NFILZ: variants seen among roughly 807,000 people sequenced by gnomAD.
NFILZ encodes NFIL3 like basic leucine zipper.
At chr19:8,645,492 C>T (rs1327469612) in intron 3 of NFILZ, among the ~76,000 whole-genome samples, 1 of 152,100 alleles carries the variant, frequency 6.6e-6, no homozygotes, top group Non-Finnish European at 1.5e-5. Context: ...GTGATTGGCT[C>T]CAAACCCCAG....
Position 8,647,397 on chromosome 19 carries a change from C to A in NFILZ, c.-164+11651C>A, listed in dbSNP as rs568182179. On this transcript the variant is annotated intron_variant, in intron 3 of 5. Coordinates refer to ENST00000691075, the MANE Select transcript of NFILZ (RefSeq NM_001378600.1). ...GACTAGCCTAGCCAACATGGTGAAA[C>A]CTTGTCTCTACTAAAAATACAAAAA... Among the ~76,000 whole-genome samples the A allele has an allele frequency of 1.1e-4, 16 of 152,220 alleles. No homozygotes were observed. In the East Asian group the frequency reaches 2.3e-3, roughly 22 times the overall value.
intron 3 of NFILZ, among the ~76,000 whole-genome samples, chr19:8,667,794 C>A (rs2043069214): frequency 6.6e-6 from 1 of 152,058 alleles, no homozygotes; most frequent in African/African-American, 2.4e-5. Context: ...GATCCCCCAA[C>A]CTCGGCCTCC....
At chr19:8,667,304 T>A (rs1600153626) in intron 3 of NFILZ, among the ~76,000 whole-genome samples, 1 of 152,208 alleles carries the variant, frequency 6.6e-6, no homozygotes. Context: ...TAGTTCCATC[T>A]CTGCCACTAA....
At chr19:8,640,428 T>C (rs2042914502) in intron 3 of NFILZ, among the ~76,000 whole-genome samples, 1 of 147,134 alleles carries the variant, frequency 6.8e-6, no homozygotes, top group Non-Finnish European at 1.5e-5. Context: ...TAACACAGCA[T>C]AGAGCGTGAT....
At chr19:8,632,726 T>TA (rs1491461469) in intron 2 of NFILZ, 101 bp downstream of exon 2, 1 of 136,930 alleles carries the variant, frequency 7.3e-6, no homozygotes, top group Non-Finnish European at 1.6e-5. Flanking sequence ...CTTTTATTCC[T>TA]TTTTTTTTTT....
intron 3 of NFILZ, among the ~76,000 whole-genome samples, chr19:8,655,744 T>A (rs1045859196): frequency 1.3e-5 from 2 of 152,114 alleles, no homozygotes; most frequent in Admixed American, 6.5e-5. Context: ...TGTCTCCCCA[T>A]CTCTGTCCCC....
intron 3 of NFILZ, among the ~76,000 whole-genome samples, chr19:8,636,231 C>T (rs984028359): frequency 6.6e-6 from 1 of 150,860 alleles, no homozygotes; most frequent in South Asian, 2.1e-4. Context: ...GGGTGAATCA[C>T]GGGGTCAGGA....
chr19:8,663,441 G>A (rs1555749365), intron 3 of NFILZ, among the ~76,000 whole-genome samples: 1 of 145,556 alleles, frequency 6.9e-6, no homozygotes, highest in African/African-American at 2.6e-5. Context: ...GGGAGCTGGT[G>A]GTGGGGAGGG....
intron 3 of NFILZ, among the ~76,000 whole-genome samples, chr19:8,664,145 C>T (rs1193814566): frequency 2.6e-5 from 4 of 152,142 alleles, no homozygotes; most frequent in African/African-American, 4.8e-5. Context: ...CCCTGGTGAG[C>T]CTCCCTTGGA....
At chr19:8,650,838 C>T (rs972529459) in intron 3 of NFILZ, among the ~76,000 whole-genome samples, 5 of 152,046 alleles carry the variant, frequency 3.3e-5, no homozygotes, top group Non-Finnish European at 5.9e-5. Flanking sequence ...TCATAATGTA[C>T]ATGTAAACTT....
rs2043120652 is a variant in NFILZ, at chr19:8,678,043, TCCA to T, written c.*409_*411del. On this transcript the variant is annotated 3_prime_UTR_variant, in exon 6 of 6. Coordinates refer to ENST00000691075, the MANE Select transcript of NFILZ (RefSeq NM_001378600.1). ...CCTTATCCATCTATCCATCCATCCA[TCCA>T]TCCATCCACCCATCTATTCATCCAT... Among the ~76,000 whole-genome samples, 1 of 45,198 alleles carries T rather than the reference TCCA, an allele frequency of 2.2e-5. No homozygotes were observed. Among genetic ancestry groups the T allele is most frequent in the African/African-American group, 8.4e-5 (1 of 11,838 alleles). The allele number at this position is 45,198 out of a possible 152,430, so 29.7% of individuals were successfully genotyped here.
intron 3 of NFILZ, among the ~76,000 whole-genome samples, chr19:8,662,976 C>T (rs1460960151): frequency 6.8e-6 from 1 of 146,800 alleles, no homozygotes; most frequent in African/African-American, 2.5e-5. Flanking sequence ...GAGACAGCGT[C>T]TCACTTTGTT....
At chr19:8,640,927 CAAGCCTGG>C (rs1387595165) in intron 3 of NFILZ, among the ~76,000 whole-genome samples, 103 of 152,148 alleles carry the variant, frequency 6.8e-4, no homozygotes, top group African/African-American at 2.4e-3. Flanking sequence ...GCATATCACT[CAAGCCTGG>C]AAGAAGACCA....
At chr19:8,660,797 CT>C (rs1338113214) in intron 3 of NFILZ, among the ~76,000 whole-genome samples, 4 of 151,836 alleles carry the variant, frequency 2.6e-5, no homozygotes, top group African/African-American at 9.7e-5. Context: ...ACCACCATGC[CT>C]GGTTAATTTT....
At chr19:8,657,973 C>G (rs1272007331) in intron 3 of NFILZ, among the ~76,000 whole-genome samples, 1 of 152,046 alleles carries the variant, frequency 6.6e-6, no homozygotes, top group Non-Finnish European at 1.5e-5. Context: ...GACTGGCGGT[C>G]TTGGGTGGGT....
intron 3 of NFILZ, among the ~76,000 whole-genome samples, chr19:8,671,741 G>A (rs779403790): frequency 6.6e-5 from 10 of 152,116 alleles, no homozygotes; most frequent in Non-Finnish European, 1.2e-4. Flanking sequence ...GGGATGTGCC[G>A]TGGACCTCTA....
chr19:8,633,103 C>G lies in NFILZ; in HGVS notation c.-261+478C>G, dbSNP rs373600019. ...TGGTGTAATCTTGGCTTACTGCACC[C>G]TCTGCCTCCTGGGTTCAAGGGATTC... On this transcript the variant is annotated intron_variant, in intron 2 of 5. Transcript: ENST00000691075. Among the ~76,000 whole-genome samples the G allele has an allele frequency of 1.0e-3, 151 of 151,058 alleles. 1 individual carries two copies. Among genetic ancestry groups the G allele is most frequent in the African/African-American group, 3.3e-3 (136 of 41,000 alleles).
At chr19:8,632,341 G>A (rs2042874316) in intron 1 of NFILZ, 135 bp from the exon 2 acceptor site, 2 of 152,102 alleles carry the variant, frequency 1.3e-5, no homozygotes, top group Admixed American at 1.3e-4. Context: ...ATCTTGAATA[G>A]GGGCTGGGTA....
At chr19:8,636,505 C>T (rs1330424245) in intron 3 of NFILZ, among the ~76,000 whole-genome samples, 5 of 140,320 alleles carry the variant, frequency 3.6e-5, no homozygotes, top group African/African-American at 7.9e-5. Context: ...AGTTCAATGG[C>T]GCCATCTCGG....
Sources: gnomAD v4.1 joint callset for allele counts (sites outside exome capture counted in the v4.1 genomes callset) on GRCh38, gnomAD v4.1.1 for gene constraint, MANE v1.5 for transcripts, NCBI Gene and HGNC (gene_info 2026-07-23, HGNC 2026-07-21) for gene names.